The following DLG2 variants were observed in gnomAD, a reference collection of about 807,000 sequenced individuals.
DLG2 encodes the protein disks large homolog 2.
DLG2 carries 45 observed loss-of-function variants against 132.5 expected under a neutral mutation model. The observed-to-expected ratio is 0.34, with a 90% CI of 0.27 to 0.44. The LOEUF is 0.44. Among genes scored for constraint, DLG2 ranks in the 20% least tolerant of loss-of-function variants. The probability of loss-of-function intolerance (pLI) is 1.00; values close to 1 mark genes in which losing one functional copy is unlikely to be tolerated. For missense variants in DLG2, 1,045 were observed against 1,196.9 expected (o/e 0.87, Z 1.87); for synonymous variants, 424 against 419.6 (o/e 1.01, Z -0.13).
At chr11:84,268,650 ATG>A (rs202014648) in intron 7 of DLG2, among the ~76,000 whole-genome samples, 86,151 of 151,092 alleles carry the variant, frequency 0.57, 24,716 homozygotes, top group Middle Eastern at 0.65. Context: ...TTTAGTAGAG[ATG>A]GGGTTTCACT....
At chr11:84,034,348 A>G (rs1449979087) in intron 11 of DLG2, among the ~76,000 whole-genome samples, 1 of 152,190 alleles carries the variant, frequency 6.6e-6, no homozygotes, top group Non-Finnish European at 1.5e-5. Context: ...ACTACAGTAT[A>G]GTGTAAACAT....
chr11:84,801,349 C>A (rs972504249), intron 6 of DLG2, among the ~76,000 whole-genome samples: 6 of 152,108 alleles, frequency 3.9e-5, no homozygotes, highest in Non-Finnish European at 7.4e-5. Flanking sequence ...GCGGGCGGAT[C>A]ACGAGGTCAG....
intron 6 of DLG2, among the ~76,000 whole-genome samples, chr11:84,726,703 T>G (rs112714894): frequency 6.6e-6 from 1 of 152,160 alleles, no homozygotes; most frequent in Non-Finnish European, 1.5e-5. Flanking sequence ...TCTTCCACAA[T>G]AGTTGAACTA....
intron 6 of DLG2, among the ~76,000 whole-genome samples, chr11:84,935,950 T>A (rs1427444131): frequency 2.0e-5 from 3 of 152,222 alleles, no homozygotes; most frequent in African/African-American, 7.2e-5. Flanking sequence ...TTTTCTTTAC[T>A]TTTTTAGCCC....
intron 19 of DLG2, among the ~76,000 whole-genome samples, chr11:83,550,998 T>A (rs570361427): frequency 6.6e-6 from 1 of 152,180 alleles, no homozygotes; most frequent in African/African-American, 2.4e-5. Context: ...TTTAAGTTTA[T>A]ATATGCATGA....
At chr11:85,350,055 A>G (rs1178375802) in intron 3 of DLG2, among the ~76,000 whole-genome samples, 5 of 152,170 alleles carry the variant, frequency 3.3e-5, no homozygotes. Flanking sequence ...CTATTTCTCA[A>G]CATCCTGTCC....
intron 5 of DLG2, among the ~76,000 whole-genome samples, chr11:85,143,923 A>G (rs550909255): frequency 4.0e-4 from 61 of 151,972 alleles, no homozygotes; most frequent in African/African-American, 1.4e-3. Flanking sequence ...AAAATGTTCT[A>G]TAATATCTAT....
At chr11:83,512,631 A>G (rs1168758303) in intron 21 of DLG2, among the ~76,000 whole-genome samples, 1 of 151,968 alleles carries the variant, frequency 6.6e-6, no homozygotes, top group Non-Finnish European at 1.5e-5. Context: ...TGCTGGACCA[A>G]TTAACTCGTC....
intron 3 of DLG2, among the ~76,000 whole-genome samples, chr11:85,446,793 ATGTGTGTG>A (rs35097336): frequency 1.3e-4 from 19 of 145,200 alleles, no homozygotes; most frequent in South Asian, 4.5e-4. Context: ...GATATAGTAT[ATGTGTGTG>A]TGTGTGTGTG....
intron 21 of DLG2, among the ~76,000 whole-genome samples, chr11:83,492,665 A>G (rs1430167871): frequency 1.3e-5 from 2 of 152,004 alleles, no homozygotes; most frequent in Non-Finnish European, 1.5e-5. Context: ...AACTCTTCCA[A>G]TTACGCAGGC....
intron 3 of DLG2, among the ~76,000 whole-genome samples, chr11:85,311,678 A>G (rs1343333039): frequency 6.6e-6 from 1 of 152,058 alleles, no homozygotes; most frequent in African/African-American, 2.4e-5. Context: ...TATCTCTTAG[A>G]CTTATTTATT....
At chr11:84,357,627 T>A (rs900016848) in intron 7 of DLG2, among the ~76,000 whole-genome samples, 1 of 151,988 alleles carries the variant, frequency 6.6e-6, no homozygotes, top group African/African-American at 2.4e-5. Context: ...GGGGGCAGAA[T>A]GAGAGGTCTG....
intron 6 of DLG2, among the ~76,000 whole-genome samples, chr11:84,758,386 T>C (rs1021218206): frequency 5.3e-5 from 8 of 152,252 alleles, no homozygotes; most frequent in Non-Finnish European, 8.8e-5. Flanking sequence ...CCCTCATCAA[T>C]GTTGTCTGTA....
intron 3 of DLG2, among the ~76,000 whole-genome samples, chr11:85,444,124 T>C (rs1322184781): frequency 6.6e-6 from 1 of 152,214 alleles, no homozygotes; most frequent in East Asian, 1.9e-4. Flanking sequence ...TTCATTCACC[T>C]ACTACCTCAA....
At chr11:84,655,516 A>G (rs919068804) in intron 6 of DLG2, among the ~76,000 whole-genome samples, 3 of 152,196 alleles carry the variant, frequency 2.0e-5, no homozygotes, top group Non-Finnish European at 2.9e-5. Flanking sequence ...CAAAAAAAAT[A>G]CTAAGTCACA....
rs545673214 is a variant in DLG2 at position 85,128,170 on chromosome 11, T to C, written c.283-16435A>G. ...ATGAATAGTACCATCATGCCTTTAT[T>C]AACAAATTATAGCAGTAACTTAACA... On this transcript the variant is annotated intron_variant, in intron 5 of 27. Transcript: ENST00000376104. Among the ~76,000 whole-genome samples the C allele has an allele frequency of 2.0e-5, 3 of 152,278 alleles. No individual in the cohort carries two copies. In the East Asian group the frequency reaches 5.8e-4, roughly 29 times the overall value.
intron 6 of DLG2, among the ~76,000 whole-genome samples, chr11:85,101,145 C>T (rs569040360): frequency 5.9e-5 from 9 of 152,070 alleles, no homozygotes; most frequent in Non-Finnish European, 1.2e-4. Context: ...ACACTTCTTT[C>T]TTTCCAAGCT....
intron 3 of DLG2, among the ~76,000 whole-genome samples, chr11:85,303,649 T>G (rs997930346): frequency 1.3e-5 from 2 of 152,164 alleles, no homozygotes; most frequent in Non-Finnish European, 2.9e-5. Context: ...TCAGAAATTG[T>G]GTTTGTGTGT....
chr11:84,867,707 T>A (rs538698605), intron 6 of DLG2, among the ~76,000 whole-genome samples: 2 of 152,192 alleles, frequency 1.3e-5, no homozygotes, highest in Admixed American at 6.5e-5. Context: ...GAGACTCTTA[T>A]GCTGACAAAT....
Sources: allele counts gnomAD v4.1 joint callset (sites outside exome capture counted in the v4.1 genomes callset), GRCh38; gene constraint gnomAD v4.1.1; transcripts MANE v1.5; gene names NCBI Gene and HGNC (gene_info 2026-07-23, HGNC 2026-07-21).